RAD51B: variants seen among roughly 807,000 people sequenced by gnomAD.
RAD51B encodes DNA repair protein RAD51 homolog 2.
RAD51B carries 38 observed loss-of-function variants against 42.2 expected under a neutral mutation model. The observed-to-expected ratio is 0.90, with a 90% confidence interval of 0.70 to 1.18. The LOEUF (loss-of-function observed/expected upper bound fraction) is 1.18. Among genes scored for constraint, RAD51B ranks in the 50% most tolerant of loss-of-function variants. The probability of loss-of-function intolerance (pLI) is 0.00; values close to 1 mark genes in which losing one functional copy is unlikely to be tolerated. For synonymous variants in RAD51B, 154 were observed against 145.2 expected (o/e 1.06, Z -0.43); for missense variants, 373 against 400.7 (o/e 0.93, Z 0.59).
rs550557287 is a variant in RAD51B, at chr14:68,643,233, G to A, written c.1037-7548G>A. ...TAAGAATTATTATATCTTATTGGAG[G>A]GCTGAACCCTAAATCATTATGGGAT... is the stretch of plus-strand genomic sequence containing the variant. On this transcript the variant is annotated intron_variant, in intron 10 of 11. Transcript: ENST00000488612. Among the ~76,000 whole-genome samples the A allele has an allele frequency of 5.9e-4, 90 of 152,186 alleles. 2 individuals carry two copies. Among genetic ancestry groups the A allele is most frequent in the African/African-American group, 2.0e-3 (85 of 41,504 alleles).
intron 7 of RAD51B, among the ~76,000 whole-genome samples, chr14:68,050,809 T>C (rs967818521): frequency 6.6e-6 from 1 of 152,114 alleles, no homozygotes; most frequent in Non-Finnish European, 1.5e-5. Flanking sequence ...ACATTATATA[T>C]AATGGTATAA....
chr14:67,916,423 G>A (rs2044152461), intron 7 of RAD51B, among the ~76,000 whole-genome samples: 1 of 151,964 alleles, frequency 6.6e-6, no homozygotes, highest in Non-Finnish European at 1.5e-5. Flanking sequence ...TGTATTTTTT[G>A]TAGAGACGGG....
chr14:68,479,978 C>T (rs867914303), downstream of RAD51B, among the ~76,000 whole-genome samples: 3 of 151,988 alleles, frequency 2.0e-5, no homozygotes, highest in African/African-American at 4.8e-5. Flanking sequence ...TGAGCCACCG[C>T]GCCCAGCCAG....
intron 9 of RAD51B, among the ~76,000 whole-genome samples, chr14:68,454,068 G>T (rs558511643): frequency 1.4e-4 from 21 of 152,266 alleles, no homozygotes; most frequent in African/African-American, 4.6e-4. Context: ...TATAATAGGT[G>T]ACAGATTCAA....
At chr14:68,556,480 A>G (rs940272450) in intron 10 of RAD51B, among the ~76,000 whole-genome samples, 3 of 152,198 alleles carry the variant, frequency 2.0e-5, no homozygotes, top group Non-Finnish European at 4.4e-5. Flanking sequence ...CCCAGAGGAC[A>G]AGTGAGGGGA....
At chr14:68,655,331 C>T (rs903939909) in intron 11 of RAD51B, among the ~76,000 whole-genome samples, 2 of 152,038 alleles carry the variant, frequency 1.3e-5, no homozygotes, top group Admixed American at 1.3e-4. Context: ...TTATACTTTC[C>T]AGCACATTTA....
intron 7 of RAD51B, among the ~76,000 whole-genome samples, chr14:68,000,899 A>T (rs2075469343): frequency 1.3e-5 from 2 of 152,120 alleles, no homozygotes. Context: ...CTCACCAAAG[A>T]TCCTCTTGTG....
chr14:67,899,221 T>TA (rs1358502820), intron 7 of RAD51B, among the ~76,000 whole-genome samples: 8 of 151,734 alleles, frequency 5.3e-5, no homozygotes, highest in African/African-American at 1.5e-4. Flanking sequence ...TTTTTTTTTT[T>TA]TATATTTTTA....
At chr14:68,505,080 T>A (rs971603089) in intron 10 of RAD51B, among the ~76,000 whole-genome samples, 1 of 152,200 alleles carries the variant, frequency 6.6e-6, no homozygotes, top group Admixed American at 6.5e-5. Context: ...GGGTACGAAG[T>A]TTGACAATTG....
Position 68,116,654 on chromosome 14 carries a change from T to C in RAD51B, c.757-175230T>C, listed in dbSNP as rs1055783857. Among the ~76,000 whole-genome samples the C allele has an allele frequency of 2.0e-5, 3 of 152,344 alleles. No individual in the cohort carries two copies. The East Asian group carries it at 5.8e-4, about 29-fold the overall frequency. On this transcript the variant is annotated intron_variant, in intron 7 of 10. Coordinates refer to ENST00000471583, the MANE Select transcript of RAD51B (RefSeq NM_133510.4). ...TCTGTAAATTACTACATTTCTATAG[T>C]AATTTCGCAGTGTAAATGCTGAATG...
chr14:68,234,607 G>A (rs2080210553), intron 7 of RAD51B, among the ~76,000 whole-genome samples: 1 of 152,180 alleles, frequency 6.6e-6, no homozygotes, highest in Non-Finnish European at 1.5e-5. Context: ...ACAATGGCAA[G>A]TGTTTGTGTA....
chr14:68,149,213 G>T (rs76058994), intron 7 of RAD51B, among the ~76,000 whole-genome samples: 2,379 of 152,128 alleles, frequency 0.016, 69 homozygotes, highest in African/African-American at 0.052. Flanking sequence ...TTTTAATGAA[G>T]CCTAACATCA....
At chr14:68,280,772 T>A (rs1179615469) in intron 7 of RAD51B, among the ~76,000 whole-genome samples, 1 of 152,254 alleles carries the variant, frequency 6.6e-6, no homozygotes, top group East Asian at 1.9e-4. Flanking sequence ...CAGGGTATTA[T>A]CTAGGGCAAG....
intron 7 of RAD51B, among the ~76,000 whole-genome samples, chr14:67,929,552 A>G (rs1160045049): frequency 2.0e-5 from 3 of 152,170 alleles, no homozygotes; most frequent in Non-Finnish European, 4.4e-5. Context: ...TGTATATTCT[A>G]CAGATGTTAG....
At chr14:68,577,091 G>C (rs1889995785) in intron 10 of RAD51B, among the ~76,000 whole-genome samples, 1 of 152,208 alleles carries the variant, frequency 6.6e-6, no homozygotes, top group South Asian at 2.1e-4. Flanking sequence ...CTGACAGGGA[G>C]TTATGGGGAA....
chr14:68,540,050 C>A, intron 10 of RAD51B: 1 of 396,154 alleles, frequency 2.5e-6, no homozygotes, highest in Non-Finnish European at 3.5e-6. Context: ...TGCTGGCATC[C>A]ACGGTGAGCA....
At chr14:68,536,688 T>G (rs919699736) in intron 10 of RAD51B, among the ~76,000 whole-genome samples, 10 of 152,250 alleles carry the variant, frequency 6.6e-5, no homozygotes, top group African/African-American at 2.2e-4. Flanking sequence ...GTCTTGTTAT[T>G]GATTTAGATC....
chr14:68,182,770 A>G (rs973213676), intron 7 of RAD51B, among the ~76,000 whole-genome samples: 7 of 152,306 alleles, frequency 4.6e-5, no homozygotes, highest in Non-Finnish European at 7.4e-5. Flanking sequence ...GGCATTTGCA[A>G]ACATGCCTAG....
At chr14:67,856,906 T>C (rs557773494) in intron 4 of RAD51B, among the ~76,000 whole-genome samples, 2 of 152,266 alleles carry the variant, frequency 1.3e-5, no homozygotes, top group Non-Finnish European at 2.9e-5. Flanking sequence ...GCTCTAACTA[T>C]ATGAAGTGAA....
Sources: allele counts gnomAD v4.1 joint callset (sites outside exome capture counted in the v4.1 genomes callset), GRCh38; gene constraint gnomAD v4.1.1; transcripts MANE v1.5; gene names NCBI Gene and HGNC (gene_info 2026-07-23, HGNC 2026-07-21).